Variants in PLEKHG1 observed in about 807,000 individuals in gnomAD.
The protein encoded by PLEKHG1 is pleckstrin homology and RhoGEF domain containing G1.
Under a neutral mutation model 100.8 loss-of-function variants are expected in PLEKHG1, and 44 were observed. That is an observed-to-expected ratio of 0.44 (90% CI 0.34 to 0.56). The LOEUF is 0.56. Ranked by LOEUF, PLEKHG1 falls within the 20% of genes least tolerant of loss-of-function variation. The pLI, the probability that PLEKHG1 is intolerant of heterozygous loss-of-function variation, is 0.01. For missense variants in PLEKHG1, 1,545 were observed against 1,720.9 expected, an observed-to-expected ratio of 0.90 and a Z score of 1.81; for synonymous variants, 640 against 662.5, an observed-to-expected ratio of 0.97 and a Z score of 0.52.
chr6:150,750,565 G>A (rs1056827308), intron 2 of PLEKHG1, among the ~76,000 whole-genome samples: 11 of 151,928 alleles, frequency 7.2e-5, no homozygotes, highest in Non-Finnish European at 1.5e-4. Context: ...CGGATCACGA[G>A]GTCAGGAGAT....
chr6:150,644,332 G>GGGTTTTTTTTTT (rs1562404967), intron 2 of PLEKHG1, among the ~76,000 whole-genome samples: 5 of 96,564 alleles, frequency 5.2e-5, no homozygotes, highest in African/African-American at 2.2e-4. Flanking sequence ...TTTTCTTTTC[G>GGGTTTTTTTTTT]TGTTTTTTTT....
intron 1 of PLEKHG1, among the ~76,000 whole-genome samples, chr6:150,727,097 C>T (rs1180112961): frequency 2.0e-5 from 3 of 152,156 alleles, no homozygotes; most frequent in Admixed American, 6.5e-5. Context: ...TAAGGAACTA[C>T]ATAATTTCAG....
At chr6:150,610,036 T>C (rs2128552659) in intron 1 of PLEKHG1, among the ~76,000 whole-genome samples, 1 of 152,310 alleles carries the variant, frequency 6.6e-6, no homozygotes, top group South Asian at 2.1e-4. Flanking sequence ...CACAAGCACC[T>C]ACGAAGCAGG....
At chr6:150,790,988 A>G (rs1785940855) in intron 4 of PLEKHG1, among the ~76,000 whole-genome samples, 1 of 152,110 alleles carries the variant, frequency 6.6e-6, no homozygotes, top group Non-Finnish European at 1.5e-5. Context: ...GTGCCACTGC[A>G]CTCCAAGCCT....
At chr6:150,730,534 G>C (rs1187070925) in intron 1 of PLEKHG1, among the ~76,000 whole-genome samples, 1 of 152,138 alleles carries the variant, frequency 6.6e-6, no homozygotes, top group Non-Finnish European at 1.5e-5. Flanking sequence ...ATGCTCGCTT[G>C]CCCATCGCTC....
chr6:150,704,044 G>A (rs1259648297), intron 3 of PLEKHG1, among the ~76,000 whole-genome samples: 2 of 151,418 alleles, frequency 1.3e-5, no homozygotes, highest in Non-Finnish European at 2.9e-5. Context: ...TGCAACAATT[G>A]CAAATAACAA....
intron 3 of PLEKHG1, among the ~76,000 whole-genome samples, chr6:150,783,509 G>A (rs1286295266): frequency 6.6e-6 from 1 of 151,960 alleles, no homozygotes; most frequent in East Asian, 1.9e-4. Context: ...AGCTGGGACT[G>A]CAGGTGTGTG....
chr6:150,816,996 G>A lies in PLEKHG1; in HGVS notation c.1279-1187G>A, dbSNP rs77158346. Among the ~76,000 whole-genome samples, 1,074 of 152,256 alleles carry A rather than the reference G, an allele frequency of 7.1e-3. 14 individuals are homozygous for A. The highest frequency in any genetic ancestry group is 7.0e-3 in the Non-Finnish European group (477 of 68,030). ...GGAGGCAGAGCTCAGGCTGTAATGC[G>A]AGCCATGAGGAGCCACTGTAAATCC... On this transcript the variant is annotated intron_variant, in intron 10 of 15. Transcript: ENST00000358517.
intron 1 of PLEKHG1, among the ~76,000 whole-genome samples, chr6:150,721,970 A>G (rs1455394270): frequency 2.6e-5 from 4 of 151,592 alleles, no homozygotes; most frequent in Non-Finnish European, 5.9e-5. Flanking sequence ...TAATTTCCTT[A>G]AATAACTTTT....
Position 150,784,847 on chromosome 6 carries a change from C to T in PLEKHG1, c.513-1543C>T, listed in dbSNP as rs796456437. 3.3e-5 allele frequency among the ~76,000 whole-genome samples: 5 copies of T among 152,136 alleles called. No homozygotes were observed. The South Asian group carries it at 1.0e-3, about 32-fold the overall frequency. ...AATGAAATCATAGTATACTCTGAGG[C>T]TAACAGGGCATAATACTTACATAGT... On this transcript the variant is annotated intron_variant, in intron 3 of 15. Coordinates refer to ENST00000358517, the Ensembl canonical transcript of PLEKHG1.
chr6:150,608,479 C>T (rs1400701995), intron 1 of PLEKHG1, among the ~76,000 whole-genome samples: 1 of 152,174 alleles, frequency 6.6e-6, no homozygotes, highest in African/African-American at 2.4e-5. Context: ...GAATACATTT[C>T]TGTACTGGCT....
At chr6:150,743,518 T>C (rs1334707045) in intron 2 of PLEKHG1, among the ~76,000 whole-genome samples, 1 of 152,278 alleles carries the variant, frequency 6.6e-6, no homozygotes, top group African/African-American at 2.4e-5. Context: ...GGAGCAAGAC[T>C]CCATCTCAAA....
chr6:150,797,133 C>G lies in PLEKHG1; in HGVS notation c.629+1231C>G, dbSNP rs548320044. Among the ~76,000 whole-genome samples the G allele has an allele frequency of 7.3e-4, 111 of 151,894 alleles. 1 individual carries two copies. Among genetic ancestry groups the G allele is most frequent in the African/African-American group, 2.6e-3 (108 of 41,452 alleles). On this transcript the variant is annotated intron_variant, in intron 5 of 15. Coordinates refer to ENST00000358517, the Ensembl canonical transcript of PLEKHG1. The stretch of plus-strand genomic sequence containing the variant: ...ACCTCCTGAGTAGCTGTAATTACAC[C>G]GCACCCCACCAGACTTTGAGTTATC...
At chr6:150,717,719 G>C (rs11155750), upstream of PLEKHG1, among the ~76,000 whole-genome samples, 22 of 152,122 alleles carry the variant, frequency 1.4e-4, no homozygotes, top group Non-Finnish European at 2.9e-4. Context: ...TTCCAGCAAG[G>C]GTATCTTTAT....
At chr6:150,789,343 A>G (rs748939239) in intron 4 of PLEKHG1, among the ~76,000 whole-genome samples, 2 of 152,208 alleles carry the variant, frequency 1.3e-5, no homozygotes, top group Non-Finnish European at 2.9e-5. Context: ...TTGGGGTGGC[A>G]TATTTAATAA....
intron 3 of PLEKHG1, among the ~76,000 whole-genome samples, chr6:150,776,898 A>G (rs927937043): frequency 1.3e-5 from 2 of 150,072 alleles, no homozygotes; most frequent in Non-Finnish European, 3.0e-5. Context: ...CATTACTCAC[A>G]CTGATGCAAT....
intron 6 of PLEKHG1, among the ~76,000 whole-genome samples, chr6:150,802,785 C>T (rs1048447085): frequency 4.6e-5 from 7 of 151,850 alleles, no homozygotes; most frequent in Admixed American, 6.6e-5. Context: ...CTCAGCTTCC[C>T]GAGTAGCTGG....
At chr6:150,714,222 C>T (rs1476022702) in intron 3 of PLEKHG1, among the ~76,000 whole-genome samples, 2 of 152,160 alleles carry the variant, frequency 1.3e-5, no homozygotes, top group South Asian at 2.1e-4. Flanking sequence ...GATAGATTAT[C>T]GAAAGCAAGA....
intron 10 of PLEKHG1, among the ~76,000 whole-genome samples, chr6:150,815,089 T>C (rs1787785769): frequency 6.6e-6 from 1 of 152,246 alleles, no homozygotes; most frequent in African/African-American, 2.4e-5. Context: ...TAAGCAGGAT[T>C]ATCATTAAAG....
Sources: allele counts gnomAD v4.1 joint callset (sites outside exome capture counted in the v4.1 genomes callset), GRCh38; gene constraint gnomAD v4.1.1; transcripts MANE v1.5; gene names NCBI Gene and HGNC (gene_info 2026-07-23, HGNC 2026-07-21).